Variants in RGL4 observed in about 807,000 individuals in gnomAD.
RGL4 encodes the protein ral guanine nucleotide dissociation stimulator like 4.
Under a neutral mutation model 49.6 loss-of-function variants are expected in RGL4, and 41 were observed. The observed-to-expected ratio is 0.83, with a 90% CI of 0.64 to 1.07. The LOEUF (loss-of-function observed/expected upper bound fraction) is 1.07, where lower values mean the gene tolerates loss of function less well. RGL4 is among the 50% of genes least tolerant of loss of function. RGL4 has a pLI of 0.00. For missense variants in RGL4, 610 were observed against 591.9 expected, an observed-to-expected ratio of 1.03 and a Z score of -0.32; for synonymous variants, 255 against 238.0, an observed-to-expected ratio of 1.07 and a Z score of -0.66.
rs1022909213 is a variant in RGL4, at chr22:23,692,786, C to T, written c.491C>T (p.Pro164Leu). 3.7e-5 allele frequency: 60 copies of T among 1,613,470 alleles called. No homozygotes were observed. The highest frequency in any genetic ancestry group is 4.7e-5 in the Non-Finnish European group (56 of 1,180,028). ...LEPESPAALG[P>L]PGYLHSAPGP... ...CCAGAGTCACCTGCAGCCCTGGGTC[C>T]ACCAGGATATCTACATTCAGCACCA... is the stretch of plus-strand genomic sequence containing the variant. Residue 164 changes from proline (P) to leucine (L), a missense_variant, in exon 3 of 11, where the codon CCA becomes CTA. Pro to Leu is a moderately conservative substitution (Grantham distance 98). Transcript: ENST00000290691.
rs1923342179 is a variant in RGL4, at chr22:23,694,272, C to G, written c.913-75C>G. 3 of 1,176,234 alleles carry G rather than the reference C, an allele frequency of 2.6e-6. No individual in the cohort carries two copies. In the African/African-American group the frequency reaches 4.5e-5, roughly 18 times the overall value. 72.9% of individuals were successfully genotyped at this position (1,176,234 alleles called of 1,614,324 possible). ...CTCTGCTTCATCCAGGAGGGGAGATCTCAGCAGAGGGGGCTGAGGCTGTAG... is the reference window on the plus strand; with the variant it reads ...CTCTGCTTCATCCAGGAGGGGAGATGTCAGCAGAGGGGGCTGAGGCTGTAG... On this transcript the variant is annotated intron_variant, in intron 4 of 10. Coordinates refer to ENST00000290691, the MANE Select transcript of RGL4 (RefSeq NM_153615.2).
intron 10 of RGL4, 185 bp from the exon 11 acceptor site, chr22:23,698,659 C>A: frequency 1.2e-6 from 1 of 800,500 alleles, no homozygotes; most frequent in Non-Finnish European, 2.0e-6. Flanking sequence ...TGAGCCACCC[C>A]ACCTGGCCTA....
intron 8 of RGL4, 138 bp downstream of exon 8, chr22:23,697,383 G>T: frequency 1.5e-6 from 1 of 679,084 alleles, no homozygotes. Flanking sequence ...CTGTGGGTGG[G>T]GGTGTCAGGC....
In RGL4 at chr22:23,694,433, G is replaced by C; in HGVS notation, c.999G>C (p.Thr333=). 1 of 1,612,882 alleles carries C rather than the reference G, an allele frequency of 6.2e-7. No individual in the cohort carries two copies. ...ACCCAATAGGTCAGCTACACAAGAC[G>C]TGGGCAGGAGTGTCCAGGTGAGGAG... ...CSNPIGQLHK[T]WAGVSSKSMK... Residue 333 remains threonine, a synonymous_variant, in exon 5 of 11, where the codon ACG becomes ACC. Coordinates refer to ENST00000290691, the MANE Select transcript of RGL4 (RefSeq NM_153615.2).
At chr22:23,695,456 GC>G in intron 6 of RGL4, 4 of 602,568 alleles carry the variant, frequency 6.6e-6, no homozygotes, top group Admixed American at 4.7e-5. Flanking sequence ...TGCTGCTGCT[GC>G]TGCTGCTGCT....
At chr22:23,697,735 C>T (rs796955904) in intron 8 of RGL4, 103 bp from the exon 9 acceptor site, 4 of 1,294,562 alleles carry the variant, frequency 3.1e-6, no homozygotes, top group Non-Finnish European at 4.4e-6. Flanking sequence ...GTGTGCACAT[C>T]CCCTGACCCT....
chr22:23,696,716 C>T (rs779845977), intron 7 of RGL4, 28 bp downstream of exon 7: 6 of 1,596,284 alleles, frequency 3.8e-6, no homozygotes, highest in South Asian at 2.2e-5. Flanking sequence ...ATGGACGGGC[C>T]GCAGGGGATC....
intron 10 of RGL4, 114 bp downstream of exon 10, chr22:23,698,447 G>A: frequency 7.9e-7 from 1 of 1,265,204 alleles, no homozygotes; most frequent in Non-Finnish European, 1.1e-6. Context: ...TCTGTTCACT[G>A]CAACGTCTGC....
In RGL4 at chr22:23,696,615, C is replaced by T. The variant is rs1411239362; in HGVS notation, c.1088C>T (p.Ala363Val). 9 of 1,613,666 alleles carry T rather than the reference C, an allele frequency of 5.6e-6. No homozygotes were observed. The highest frequency in any genetic ancestry group is 2.2e-5 in the East Asian group (1 of 44,866). ...GTCCCTGTCGCTGACACCTGGCAGG[C>T]GGGGAGCTTTAAGGTGGCCACCCAG... ...TAVKRDLLIK[A>V]GSFKVATQER... The change falls in exon 7 of 11, where the codon GCG (alanine) becomes GTG (valine). Residue 363 changes from alanine to valine, a missense_variant and splice_region_variant. Coordinates refer to ENST00000290691, the MANE Select transcript of RGL4 (RefSeq NM_153615.2).
intron 4 of RGL4, 167 bp downstream of exon 4, chr22:23,694,141 T>C: frequency 1.4e-6 from 1 of 732,102 alleles, no homozygotes; most frequent in Non-Finnish European, 2.3e-6. Flanking sequence ...GGCCCAGTGG[T>C]GGCTGCTCAC....
chr22:23,698,451 C>A, intron 10 of RGL4, 118 bp downstream of exon 10: 1 of 1,229,538 alleles, frequency 8.1e-7, no homozygotes, highest in Non-Finnish European at 1.2e-6. Context: ...TTCACTGCAA[C>A]GTCTGCCTTC....
intron 10 of RGL4, 118 bp from the exon 11 acceptor site, chr22:23,698,726 G>A: frequency 7.7e-7 from 1 of 1,297,814 alleles, no homozygotes; most frequent in Non-Finnish European, 1.1e-6. Flanking sequence ...TCCACGGCCA[G>A]CATCAAGCCC....
chr22:23,692,115 G>A lies in RGL4; in HGVS notation c.85G>A (p.Glu29Lys), dbSNP rs756287946. The A allele has an allele frequency of 2.0e-5, 33 of 1,614,182 alleles. No homozygotes were observed. The South Asian group carries it at 3.5e-4, about 17-fold the overall frequency. ...TGCTGTGCTCCAGGGCCTTTGGGAA[G>A]AGAATGTCTGTGGGACGCCAGGGCG... Reference protein sequence around the residue: ...YSAVLQGLWEENVCGTPGRTR... With the variant: ...YSAVLQGLWEKNVCGTPGRTR... Residue 29 changes from glutamate to lysine, a missense_variant, in exon 1 of 11, where the codon GAG becomes AAG. By Grantham distance (56) the Glu-to-Lys change is moderately conservative. Transcript: ENST00000290691.
rs1569121141 is a variant in RGL4, at chr22:23,697,821, CTCTG to C, written c.1237-12_1237-9del. The C allele has an allele frequency of 6.2e-7, 1 of 1,602,998 alleles. No homozygotes were observed. The highest frequency in any genetic ancestry group is 8.5e-7 in the Non-Finnish European group (1 of 1,176,016). On this transcript the variant is annotated splice_polypyrimidine_tract_variant and intron_variant, in intron 8 of 10. Coordinates refer to ENST00000290691, the MANE Select transcript of RGL4 (RefSeq NM_153615.2). ...GTGGGCCAGGGGCCTTTCTGATGGACTCTGTCTGCCTTCCAGGGCAACACCAACA... is the reference window on the plus strand; with the variant it reads ...GTGGGCCAGGGGCCTTTCTGATGGACTCTGCCTTCCAGGGCAACACCAACA...
chr22:23,692,659 C>T lies in RGL4; in HGVS notation c.374-10C>T. 1.9e-6 allele frequency: 3 copies of T among 1,583,864 alleles called. No individual in the cohort carries two copies. The highest frequency in any genetic ancestry group is 2.6e-6 in the Non-Finnish European group (3 of 1,162,018). On this transcript the variant is annotated splice_polypyrimidine_tract_variant and intron_variant, in intron 2 of 10. Coordinates refer to ENST00000290691, the MANE Select transcript of RGL4 (RefSeq NM_153615.2). The stretch of plus-strand genomic sequence containing the variant: ...AATGACTGGTGTGGTGACCTTTTCT[C>T]CTTTTCCAGATCCTGCTCCACGTCC...
Position 23,693,005 on chromosome 22 carries a change from C to CTTTGT in RGL4, c.696+18_696+19insTTTTG. 1 of 1,576,150 alleles carries CTTTGT rather than the reference C, an allele frequency of 6.3e-7. No individual in the cohort carries two copies. Among genetic ancestry groups the CTTTGT allele is most frequent in the Non-Finnish European group, 8.6e-7 (1 of 1,158,090 alleles). On this transcript the variant is annotated intron_variant, in intron 3 of 10. Coordinates refer to ENST00000290691, the MANE Select transcript of RGL4 (RefSeq NM_153615.2). ...CTCATGGATGCGGTGAGCAGCTGAG[C>CTTTGT]TTTGCAGGCTGTGTCTCTGGCACCA...
chr22:23,693,246 C>T (rs1394020402), intron 3 of RGL4: 14 of 630,872 alleles, frequency 2.2e-5, no homozygotes, highest in Admixed American at 6.4e-5. Flanking sequence ...CAGGGCAGGG[C>T]AGGTGCTCAC....
rs2123854121 is a variant in RGL4 at position 23,691,990 on chromosome 22, C to T, written c.-41C>T. The T allele has an allele frequency of 1.9e-6, 3 of 1,603,626 alleles. No individual in the cohort carries two copies. Among genetic ancestry groups the T allele is most frequent in the Non-Finnish European group, 2.6e-6 (3 of 1,173,358 alleles). On this transcript the variant is annotated 5_prime_UTR_variant, in exon 1 of 11. Transcript: ENST00000290691. ...CCTCCCCCCGACATCTGCCCCTTCCCTCCTAACCCCAGGACCAGGGGACCC... is the reference window on the plus strand; with the variant it reads ...CCTCCCCCCGACATCTGCCCCTTCCTTCCTAACCCCAGGACCAGGGGACCC...
intron 2 of RGL4, 25 bp downstream of exon 2, chr22:23,692,553 A>C (rs1569118279): frequency 8.1e-6 from 13 of 1,600,496 alleles, no homozygotes; most frequent in Non-Finnish European, 1.0e-5. Context: ...AGTCTGCAAG[A>C]CTTTCCGGGG....
Sources: gnomAD v4.1 joint callset for allele counts on GRCh38, gnomAD v4.1.1 for gene constraint, MANE v1.5 for transcripts, NCBI Gene and HGNC (gene_info 2026-07-23, HGNC 2026-07-21) for gene names.